CYP2C18: variants seen among roughly 807,000 people sequenced by gnomAD.
CYP2C18 encodes the protein cytochrome P450 family 2 subfamily C member 18.
A neutral mutation model predicts 41.3 loss-of-function variants in CYP2C18; 38 were observed. The ratio of observed to expected loss-of-function variants is 0.92; its 90% confidence interval spans 0.71 to 1.21. The LOEUF is 1.21. Ranked by LOEUF, CYP2C18 falls within the 50% of genes most tolerant of loss-of-function variation. CYP2C18 has a pLI of 0.00. For synonymous variants in CYP2C18, 236 were observed against 210.0 expected, an observed-to-expected ratio of 1.12 and a Z score of -1.07; for missense variants, 635 against 591.4, an observed-to-expected ratio of 1.07 and a Z score of -0.77.
intron 8 of CYP2C18, among the ~76,000 whole-genome samples, chr10:94,734,965 T>C (rs979574531): frequency 6.6e-6 from 1 of 152,168 alleles, no homozygotes; most frequent in Non-Finnish European, 1.5e-5. Context: ...AAAAGACTGA[T>C]GGAAACTTGT....
At chr10:94,713,642 C>T (rs531854487) in intron 5 of CYP2C18, among the ~76,000 whole-genome samples, 15 of 152,246 alleles carry the variant, frequency 9.9e-5, no homozygotes, top group African/African-American at 2.6e-4. Context: ...AATAAACATA[C>T]GTGTGCATGT....
At chr10:94,725,587 G>T (rs1847726213) in intron 7 of CYP2C18, among the ~76,000 whole-genome samples, 1 of 152,068 alleles carries the variant, frequency 6.6e-6, no homozygotes. Flanking sequence ...CAGTGAGAAT[G>T]ATGTTTTATG....
At chr10:94,692,404 C>A (rs1459145860) in intron 3 of CYP2C18, among the ~76,000 whole-genome samples, 1 of 112,930 alleles carries the variant, frequency 8.9e-6, no homozygotes, top group African/African-American at 2.8e-5. Flanking sequence ...TTTATGCAGC[C>A]AAAAACACAT....
At position 94,724,470 on chromosome 10, in the gene CYP2C18, C is replaced by G. The variant is rs1299158207; in HGVS notation, c.1086C>G (p.Leu362=). Residue 362 remains leucine, a synonymous_variant, in exon 7 of 9, where the codon CTC becomes CTG. Coordinates refer to ENST00000285979, the MANE Select transcript of CYP2C18 (RefSeq NM_000772.3). The stretch of plus-strand genomic sequence containing the variant: ...AGATCCAGAGATACATTGACCTCCT[C>G]CCCACCAACCTGCCCCATGCAGTGA... ...VHEIQRYIDL[L]PTNLPHAVTC... 6.2e-7 allele frequency: 1 copy of G among 1,613,484 alleles called. No homozygotes were observed. Among genetic ancestry groups the G allele is most frequent in the Non-Finnish European group, 8.5e-7 (1 of 1,179,728 alleles).
chr10:94,717,037 G>T (rs748702374), intron 5 of CYP2C18, among the ~76,000 whole-genome samples: 1 of 152,084 alleles, frequency 6.6e-6, no homozygotes, highest in African/African-American at 2.4e-5. Flanking sequence ...TTGCTTGGTA[G>T]ATCTTCCTCC....
intron 7 of CYP2C18, among the ~76,000 whole-genome samples, chr10:94,729,358 C>T (rs1378843338): frequency 6.6e-6 from 1 of 152,030 alleles, no homozygotes; most frequent in Non-Finnish European, 1.5e-5. Flanking sequence ...AGAAAATAAT[C>T]AACAGTAGAC....
intron 3 of CYP2C18, among the ~76,000 whole-genome samples, chr10:94,693,196 G>A (rs1293249003): frequency 6.6e-6 from 1 of 152,076 alleles, no homozygotes; most frequent in East Asian, 1.9e-4. Context: ...TTGGAGGTGG[G>A]GCCTTGTGAG....
chr10:94,719,860 C>T (rs1847619711), intron 5 of CYP2C18, among the ~76,000 whole-genome samples: 1 of 151,938 alleles, frequency 6.6e-6, no homozygotes, highest in Admixed American at 6.6e-5. Flanking sequence ...AGGCATGTGC[C>T]ACCATGCCTG....
chr10:94,711,596 GAT>G (rs1847436547), intron 5 of CYP2C18, among the ~76,000 whole-genome samples: 1 of 151,884 alleles, frequency 6.6e-6, no homozygotes, highest in Non-Finnish European at 1.5e-5. Context: ...TTTTTATAGA[GAT>G]AGGGTCTCAC....
intron 5 of CYP2C18, among the ~76,000 whole-genome samples, chr10:94,719,622 T>C (rs902758928): frequency 3.3e-5 from 5 of 151,928 alleles, no homozygotes; most frequent in Non-Finnish European, 7.4e-5. Context: ...TCACCCAGGA[T>C]AGAGTGCAGT....
chr10:94,701,509 C>T (rs1044633714), intron 4 of CYP2C18, among the ~76,000 whole-genome samples: 40 of 152,152 alleles, frequency 2.6e-4, no homozygotes, highest in African/African-American at 9.6e-4. Context: ...AGGAGATACA[C>T]CTAATGTTAA....
chr10:94,713,902 G>A (rs1420428257), intron 5 of CYP2C18, among the ~76,000 whole-genome samples: 1 of 152,144 alleles, frequency 6.6e-6, no homozygotes, highest in Non-Finnish European at 1.5e-5. Context: ...TCTCATTGTG[G>A]TTTTGATTTG....
chr10:94,689,373 A>G (rs55962172), intron 3 of CYP2C18, among the ~76,000 whole-genome samples: 1 of 84,952 alleles, frequency 1.2e-5, no homozygotes, highest in Admixed American at 1.0e-4. Flanking sequence ...TTTTTATGAA[A>G]TCTTCAACAT....
intron 3 of CYP2C18, among the ~76,000 whole-genome samples, chr10:94,694,682 T>A (rs1054100732): frequency 6.6e-6 from 1 of 152,108 alleles, no homozygotes; most frequent in African/African-American, 2.4e-5. Flanking sequence ...AGAAAGGCAG[T>A]GCGGTAAATG....
At chr10:94,719,836 A>T (rs1261063954) in intron 5 of CYP2C18, among the ~76,000 whole-genome samples, 1 of 151,860 alleles carries the variant, frequency 6.6e-6, no homozygotes, top group Non-Finnish European at 1.5e-5. Flanking sequence ...GGCCTCCCAA[A>T]GTGCTGGGAT....
chr10:94,724,403 A>G lies in CYP2C18; in HGVS notation c.1019A>G (p.Gln340Arg). 6.2e-7 allele frequency: 1 copy of G among 1,613,652 alleles called. No homozygotes were observed. The highest frequency in any genetic ancestry group is 1.1e-5 in the South Asian group (1 of 91,068). The change falls in exon 7 of 9, where the codon CAG (glutamine) becomes CGG (arginine). Residue 340 changes from glutamine (Q) to arginine (R), a missense_variant. Physicochemically the swap from Gln to Arg is conservative, Grantham distance 43. Transcript: ENST00000285979. The stretch of plus-strand genomic sequence containing the variant: ...GGCAGAAACCGGAGCCCCTGTATGC[A>G]GGACAGGAGTCACATGCCCTACACA... The part of the protein sequence containing the change: ...VVGRNRSPCM[Q>R]DRSHMPYTDA...
chr10:94,731,296 C>T (rs538125446), intron 7 of CYP2C18, among the ~76,000 whole-genome samples: 31 of 152,034 alleles, frequency 2.0e-4, no homozygotes, highest in African/African-American at 7.2e-4. Context: ...AGGAGAATGG[C>T]GTGAACCCGG....
chr10:94,723,643 T>A (rs917889427), intron 6 of CYP2C18, among the ~76,000 whole-genome samples: 1 of 152,090 alleles, frequency 6.6e-6, no homozygotes, highest in Non-Finnish European at 1.5e-5. Context: ...TATAAATACA[T>A]TGGGGAAACT....
intron 4 of CYP2C18, among the ~76,000 whole-genome samples, chr10:94,703,917 C>T (rs1018609158): frequency 3.9e-5 from 6 of 152,150 alleles, no homozygotes; most frequent in Admixed American, 2.0e-4. Context: ...TTGCGAAGAC[C>T]GTGGGAAAAT....
Sources: allele counts gnomAD v4.1 joint callset (sites outside exome capture counted in the v4.1 genomes callset), GRCh38; gene constraint gnomAD v4.1.1; transcripts MANE v1.5; gene names NCBI Gene and HGNC (gene_info 2026-07-23, HGNC 2026-07-21).